GRIN2A: variants seen among roughly 807,000 people sequenced by gnomAD.
GRIN2A encodes the protein glutamate ionotropic receptor NMDA type subunit 2A.
In GRIN2A, 22 loss-of-function variants were observed where a neutral mutation model predicts 113.4. That is an observed-to-expected ratio of 0.19 (90% CI 0.14 to 0.28). GRIN2A has a LOEUF of 0.28. Ranked by LOEUF, GRIN2A falls within the 10% of genes least tolerant of loss-of-function variation. The pLI, the probability that GRIN2A is intolerant of heterozygous loss-of-function variation, is 1.00. For synonymous variants in GRIN2A, 827 were observed against 738.4 expected, an observed-to-expected ratio of 1.12 and a Z score of -1.94; for missense variants, 1,502 against 1,887.0, an observed-to-expected ratio of 0.80 and a Z score of 3.78.
At chr16:10,004,331 G>C (rs1330785486) in intron 2 of GRIN2A, among the ~76,000 whole-genome samples, 1 of 151,480 alleles carries the variant, frequency 6.6e-6, no homozygotes, top group Non-Finnish European at 1.5e-5. Context: ...AGAGGTTACA[G>C]TGAGCCGAGA....
At position 10,161,950 on chromosome 16, in the gene GRIN2A, G is replaced by C. The variant is rs112519817; in HGVS notation, c.414+18048C>G. ...AATTGGACTCACCTAGGCTAATCCA[G>C]AACAGTCTCTCCATTTCAAGATCCT... On this transcript the variant is annotated intron_variant, in intron 2 of 12. Coordinates refer to ENST00000330684, the MANE Select transcript of GRIN2A (RefSeq NM_001134407.3). Among the ~76,000 whole-genome samples the C allele has an allele frequency of 6.8e-3, 1,034 of 152,238 alleles. 14 individuals carry two copies. The highest frequency in any genetic ancestry group is 0.023 in the African/African-American group (974 of 41,528).
intron 2 of GRIN2A, among the ~76,000 whole-genome samples, chr16:10,178,567 C>T (rs1362767361): frequency 1.3e-5 from 2 of 152,188 alleles, no homozygotes; most frequent in African/African-American, 2.4e-5. Context: ...CAGACAGGAG[C>T]CCCCCAAAAC....
At chr16:10,150,526 C>T (rs1473666038) in intron 2 of GRIN2A, among the ~76,000 whole-genome samples, 1 of 152,146 alleles carries the variant, frequency 6.6e-6, no homozygotes. Context: ...CCTCTCTCTA[C>T]CTCTCAGAAC....
intron 2 of GRIN2A, among the ~76,000 whole-genome samples, chr16:10,120,864 C>T (rs1012481106): frequency 3.3e-5 from 5 of 152,016 alleles, no homozygotes; most frequent in African/African-American, 9.7e-5. Context: ...CCCCTATTTC[C>T]ACTCCCCTCC....
At chr16:9,872,779 T>G (rs1412154668) in intron 4 of GRIN2A, among the ~76,000 whole-genome samples, 1 of 151,960 alleles carries the variant, frequency 6.6e-6, no homozygotes. Context: ...TCCCAGCACT[T>G]AGAGAGGCCA....
At chr16:10,138,551 G>A (rs1394851750) in intron 2 of GRIN2A, among the ~76,000 whole-genome samples, 4 of 152,150 alleles carry the variant, frequency 2.6e-5, no homozygotes, top group African/African-American at 7.2e-5. Flanking sequence ...ATCCGCCCCC[G>A]TTATCCAATC....
At chr16:10,015,289 A>T (rs1693303300) in intron 2 of GRIN2A, among the ~76,000 whole-genome samples, 1 of 132,104 alleles carries the variant, frequency 7.6e-6, no homozygotes, top group Non-Finnish European at 1.6e-5. Flanking sequence ...AAAAAGAAAA[A>T]GAAAGGAAAG....
chr16:9,899,989 A>G (rs547316250), intron 3 of GRIN2A, among the ~76,000 whole-genome samples: 4 of 152,312 alleles, frequency 2.6e-5, no homozygotes, highest in South Asian at 2.1e-4. Flanking sequence ...AAGTGAGGTC[A>G]TAACAGCCAT....
intron 2 of GRIN2A, among the ~76,000 whole-genome samples, chr16:10,083,375 C>G (rs750438158): frequency 2.6e-5 from 4 of 152,230 alleles, no homozygotes. Flanking sequence ...TAATGAAGTG[C>G]TAAACTGTGC....
At chr16:9,951,942 C>A (rs1044643394) in intron 2 of GRIN2A, among the ~76,000 whole-genome samples, 2 of 151,932 alleles carry the variant, frequency 1.3e-5, no homozygotes, top group African/African-American at 2.4e-5. Flanking sequence ...TTCCTCAGGG[C>A]TCAGAGGACA....
At chr16:9,984,443 T>C (rs1266494243) in intron 2 of GRIN2A, among the ~76,000 whole-genome samples, 1 of 152,226 alleles carries the variant, frequency 6.6e-6, no homozygotes, top group Admixed American at 6.5e-5. Flanking sequence ...ACCAATGCCC[T>C]GGAGTTTACC....
chr16:9,915,600 C>T (rs537886669), intron 3 of GRIN2A, among the ~76,000 whole-genome samples: 1 of 152,314 alleles, frequency 6.6e-6, no homozygotes, highest in South Asian at 2.1e-4. Flanking sequence ...ATGGGACTCA[C>T]AACTCACAGT....
intron 2 of GRIN2A, among the ~76,000 whole-genome samples, chr16:9,952,755 T>G (rs1478308398): frequency 1.3e-5 from 2 of 152,058 alleles, no homozygotes; most frequent in African/African-American, 4.8e-5. Context: ...AGAGAGGAAC[T>G]CAATGCTTAT....
At chr16:9,867,061 T>A (rs539525267) in intron 4 of GRIN2A, among the ~76,000 whole-genome samples, 1 of 152,132 alleles carries the variant, frequency 6.6e-6, no homozygotes, top group East Asian at 1.9e-4. Flanking sequence ...AACTTAGACC[T>A]CTTTATCCAT....
chr16:10,174,685 T>G (rs1387926144), intron 2 of GRIN2A, among the ~76,000 whole-genome samples: 1 of 152,184 alleles, frequency 6.6e-6, no homozygotes, highest in Non-Finnish European at 1.5e-5. Flanking sequence ...ATATCCTTGT[T>G]GAAATCTATA....
chr16:9,981,586 G>C (rs78987043), intron 2 of GRIN2A, among the ~76,000 whole-genome samples: 1 of 151,996 alleles, frequency 6.6e-6, no homozygotes, highest in Non-Finnish European at 1.5e-5. Context: ...AAATATTTCA[G>C]TATACATCTC....
intron 2 of GRIN2A, among the ~76,000 whole-genome samples, chr16:10,030,922 G>C (rs2046916602): frequency 6.6e-6 from 1 of 152,204 alleles, no homozygotes; most frequent in African/African-American, 2.4e-5. Flanking sequence ...CCCTAAAAAA[G>C]TGAAAAGTGA....
intron 2 of GRIN2A, among the ~76,000 whole-genome samples, chr16:10,058,928 T>C (rs765293355): frequency 3.3e-5 from 5 of 152,242 alleles, no homozygotes; most frequent in African/African-American, 9.6e-5. Flanking sequence ...GTGATAACAA[T>C]AGATTGTGAA....
intron 3 of GRIN2A, among the ~76,000 whole-genome samples, chr16:9,936,838 G>C (rs564923500): frequency 2.6e-5 from 4 of 152,284 alleles, no homozygotes; most frequent in African/African-American, 4.8e-5. Context: ...TCCCCAAAGC[G>C]TAACATGTTG....
Sources: allele counts gnomAD v4.1 joint callset (sites outside exome capture counted in the v4.1 genomes callset), GRCh38; gene constraint gnomAD v4.1.1; transcripts MANE v1.5; gene names NCBI Gene and HGNC (gene_info 2026-07-23, HGNC 2026-07-21).